The following HOMER1 variants were observed in gnomAD, a reference collection of about 807,000 sequenced individuals.
The protein encoded by HOMER1 is homer protein homolog 1.
In HOMER1, 3 loss-of-function variants were observed where a neutral mutation model predicts 48.9. The observed-to-expected ratio is 0.06, with a 90% CI of 0.03 to 0.16. The LOEUF (loss-of-function observed/expected upper bound fraction) is 0.16. HOMER1 is among the 10% of genes least tolerant of loss of function. The pLI, the probability that HOMER1 is intolerant of heterozygous loss-of-function variation, is 1.00. For missense variants in HOMER1, 247 were observed against 411.4 expected, an observed-to-expected ratio of 0.60 and a Z score of 3.46; for synonymous variants, 134 against 146.4, an observed-to-expected ratio of 0.92 and a Z score of 0.61.
At chr5:79,436,138 A>AG (rs1750577434) in intron 5 of HOMER1, among the ~76,000 whole-genome samples, 2 of 150,066 alleles carry the variant, frequency 1.3e-5, no homozygotes, top group East Asian at 2.0e-4. Context: ...GTCTCAAAAA[A>AG]AATAAATAAA....
chr5:79,425,278 T>G (rs1580442239), intron 5 of HOMER1, among the ~76,000 whole-genome samples: 1 of 151,874 alleles, frequency 6.6e-6, no homozygotes, highest in African/African-American at 2.4e-5. Flanking sequence ...CTTGGAGAAC[T>G]GATCTTTTCT....
Position 79,375,084 on chromosome 5 carries a change from T to C in HOMER1, c.*925A>G, listed in dbSNP as rs75966615. Reference sequence around the variant, plus strand: ...ATTATTATTCGTAAATTGAAATGCATTGATCATTCAGAAAAGATTTCTTGC... The same window carrying C: ...ATTATTATTCGTAAATTGAAATGCACTGATCATTCAGAAAAGATTTCTTGC... On this transcript the variant is annotated 3_prime_UTR_variant, in exon 9 of 9. Transcript: ENST00000334082. 17 of 152,206 alleles carry C rather than the reference T, an allele frequency of 1.1e-4. No individual in the cohort carries two copies. The East Asian group carries it at 2.9e-3, about 26-fold the overall frequency. The allele number at this position is 152,206 out of a possible 1,614,324, so 9.4% of individuals were successfully genotyped here.
rs369942535 is a variant in HOMER1, at chr5:79,502,940, G to A, written c.5+9830C>T. Among the ~76,000 whole-genome samples, 38 of 152,002 alleles carry A rather than the reference G, an allele frequency of 2.5e-4. No homozygotes were observed. The East Asian group carries it at 3.5e-3, about 14-fold the overall frequency. ...CGAGTAGCTGTGACTACAGGCGCCC[G>A]CCACCACGCCCGGCTAATTTTTTGT... On this transcript the variant is annotated intron_variant, in intron 1 of 8. Transcript: ENST00000334082.
intron 5 of HOMER1, among the ~76,000 whole-genome samples, chr5:79,404,014 T>A (rs994592291): frequency 6.6e-6 from 1 of 152,216 alleles, no homozygotes; most frequent in South Asian, 2.1e-4. Context: ...GAAAAAAGCA[T>A]GCATGGATTC....
At position 79,401,932 on chromosome 5, in the gene HOMER1, G is replaced by C; in HGVS notation, c.651C>G (p.Ala217=). Residue 217 remains alanine (A), a synonymous_variant, in exon 6 of 9, where the codon GCC becomes GCG. Transcript: ENST00000334082. ...GCAGACGTTCTGCTTCCTCTTGATA[G>C]GCAGCAAGTTGCTGTTTCCATTGTT... ...NVKQWKQQLA[A]YQEEAERLHK... is the part of the protein sequence containing the mutation. 6.2e-7 allele frequency: 1 copy of C among 1,613,852 alleles called. No homozygotes were observed. The highest frequency in any genetic ancestry group is 8.5e-7 in the Non-Finnish European group (1 of 1,179,862).
intron 1 of HOMER1, among the ~76,000 whole-genome samples, chr5:79,479,869 G>C (rs1013652505): frequency 6.6e-5 from 10 of 152,108 alleles, no homozygotes; most frequent in African/African-American, 2.4e-4. Flanking sequence ...CCGAAAACCA[G>C]CATAAAATCT....
At chr5:79,438,541 G>C (rs1750654921) in intron 5 of HOMER1, among the ~76,000 whole-genome samples, 1 of 152,110 alleles carries the variant, frequency 6.6e-6, no homozygotes, top group Non-Finnish European at 1.5e-5. Context: ...GTTTCCTTCT[G>C]TGAAATCACG....
chr5:79,475,672 A>T (rs1020480479), intron 1 of HOMER1, among the ~76,000 whole-genome samples: 1 of 152,120 alleles, frequency 6.6e-6, no homozygotes, highest in Admixed American at 6.6e-5. Flanking sequence ...TTATTTTGTA[A>T]TCTGTTATAG....
chr5:79,394,893 C>A (rs1287093878), intron 8 of HOMER1, among the ~76,000 whole-genome samples: 2 of 152,184 alleles, frequency 1.3e-5, no homozygotes, highest in African/African-American at 2.4e-5. Flanking sequence ...GAATTATCAA[C>A]ATTAGAAATT....
intron 1 of HOMER1, among the ~76,000 whole-genome samples, chr5:79,487,766 G>C (rs1752151214): frequency 6.6e-6 from 1 of 152,192 alleles, no homozygotes; most frequent in South Asian, 2.1e-4. Context: ...TCACTTATTA[G>C]ATATTAAGGA....
At chr5:79,494,320 C>T (rs756685607) in intron 1 of HOMER1, among the ~76,000 whole-genome samples, 3 of 152,178 alleles carry the variant, frequency 2.0e-5, no homozygotes, top group Non-Finnish European at 2.9e-5. Flanking sequence ...ACGGGGCTGA[C>T]GACAAATATC....
chr5:79,484,149 A>G (rs1262165406), intron 1 of HOMER1, among the ~76,000 whole-genome samples: 2 of 152,118 alleles, frequency 1.3e-5, no homozygotes, highest in Non-Finnish European at 2.9e-5. Context: ...TTCTTATTAT[A>G]TATGAAGTAG....
At chr5:79,383,386 CTTTTTTT>C (rs200444325) in intron 8 of HOMER1, among the ~76,000 whole-genome samples, 8 of 139,890 alleles carry the variant, frequency 5.7e-5, no homozygotes, top group African/African-American at 2.1e-4. Flanking sequence ...TACAGAACAT[CTTTTTTT>C]TTTTTTTTTT....
Position 79,457,221 on chromosome 5 carries a change from A to C in HOMER1, c.6-203T>G, listed in dbSNP as rs542278371. 2.6e-5 allele frequency among the ~76,000 whole-genome samples: 4 copies of C among 152,338 alleles called. No individual in the cohort carries two copies. In the South Asian group the frequency reaches 8.3e-4, roughly 32 times the overall value. On this transcript the variant is annotated intron_variant, in intron 1 of 8. Transcript: ENST00000334082. ...AATTATAGTCAATCCTCATTATTTG[A>C]AGAGTCTGTACATGTGAATTCACCT...
chr5:79,479,849 G>A (rs1411431645), intron 1 of HOMER1, among the ~76,000 whole-genome samples: 1 of 152,132 alleles, frequency 6.6e-6, no homozygotes, highest in Non-Finnish European at 1.5e-5. Flanking sequence ...GTTTAATAGT[G>A]ATAGAATTAC....
At chr5:79,471,135 T>A (rs915746849) in intron 1 of HOMER1, among the ~76,000 whole-genome samples, 1 of 152,136 alleles carries the variant, frequency 6.6e-6, no homozygotes, top group African/African-American at 2.4e-5. Flanking sequence ...TTTCTGTATA[T>A]CTGGAACATT....
At chr5:79,433,244 C>G (rs1750471888) in intron 5 of HOMER1, among the ~76,000 whole-genome samples, 1 of 152,134 alleles carries the variant, frequency 6.6e-6, no homozygotes, top group Admixed American at 6.6e-5. Flanking sequence ...TTTTTATCAT[C>G]TTAAAAGTAC....
intron 1 of HOMER1, among the ~76,000 whole-genome samples, chr5:79,457,641 A>C (rs1247175775): frequency 6.6e-6 from 1 of 152,218 alleles, no homozygotes; most frequent in Non-Finnish European, 1.5e-5. Context: ...ATGTTAATGC[A>C]TTAACAATAT....
chr5:79,435,417 T>G (rs142713493), intron 5 of HOMER1, among the ~76,000 whole-genome samples: 26 of 152,324 alleles, frequency 1.7e-4, no homozygotes, highest in African/African-American at 6.0e-4. Flanking sequence ...TTTTAGCACA[T>G]AGACATTCTA....
Sources: gnomAD v4.1 joint callset for allele counts (sites outside exome capture counted in the v4.1 genomes callset) on GRCh38, gnomAD v4.1.1 for gene constraint, MANE v1.5 for transcripts, NCBI Gene and HGNC (gene_info 2026-07-23, HGNC 2026-07-21) for gene names.